XIRP2: variants seen among roughly 807,000 people sequenced by gnomAD.
XIRP2 encodes the protein xin actin-binding repeat-containing protein 2.
In XIRP2, 236 loss-of-function variants were observed where a neutral mutation model predicts 277.0. The observed-to-expected ratio is 0.85, with a 90% CI of 0.77 to 0.95. The LOEUF (loss-of-function observed/expected upper bound fraction) is 0.95. Among genes scored for constraint, XIRP2 ranks in the 40% least tolerant of loss-of-function variants. The probability of loss-of-function intolerance (pLI) is 0.00; values close to 1 mark genes in which losing one functional copy is unlikely to be tolerated. For synonymous variants in XIRP2, 1,490 were observed against 1,416.5 expected (o/e 1.05, Z -1.17); for missense variants, 4,640 against 4,157.5 (o/e 1.12, Z -3.19).
intron 2 of XIRP2, among the ~76,000 whole-genome samples, chr2:167,108,078 A>G (rs559950722): frequency 2.6e-5 from 4 of 151,830 alleles, no homozygotes; most frequent in Non-Finnish European, 5.9e-5. Flanking sequence ...ACATTTTGAC[A>G]TTTAGTGCAT....
intron 5 of XIRP2, among the ~76,000 whole-genome samples, chr2:167,234,507 C>T (rs934096562): frequency 6.6e-6 from 1 of 151,370 alleles, no homozygotes; most frequent in Admixed American, 6.6e-5. Context: ...TGTTCAATAA[C>T]TATTGTTTGA....
At chr2:167,255,372 T>C (rs765217875) in intron 10 of XIRP2, among the ~76,000 whole-genome samples, 9 of 151,830 alleles carry the variant, frequency 5.9e-5, no homozygotes, top group Non-Finnish European at 1.0e-4. Context: ...ACTTACAGTC[T>C]TTATGCTACT....
intron 3 of XIRP2, among the ~76,000 whole-genome samples, chr2:167,181,087 CT>C (rs2105357115): frequency 6.6e-6 from 1 of 152,232 alleles, no homozygotes; most frequent in East Asian, 1.9e-4. Flanking sequence ...GCATTGTTCC[CT>C]TAAAAACCTA....
At chr2:166,985,260 G>A (rs1686971834) in intron 2 of XIRP2, among the ~76,000 whole-genome samples, 1 of 152,150 alleles carries the variant, frequency 6.6e-6, no homozygotes. Flanking sequence ...AGACAGGTTG[G>A]AGAGAGAGAT....
chr2:167,118,482 G>GATAAAATAAAATAAA (rs11270871), intron 2 of XIRP2, among the ~76,000 whole-genome samples: 9,193 of 121,960 alleles, frequency 0.075, 648 homozygotes, highest in African/African-American at 0.16. Context: ...ACTCTGTCTC[G>GATAAAATAAAATAAA]ATAAAATAAA....
At chr2:166,980,389 A>G (rs1285836788) in intron 2 of XIRP2, among the ~76,000 whole-genome samples, 1 of 152,136 alleles carries the variant, frequency 6.6e-6, no homozygotes, top group Non-Finnish European at 1.5e-5. Context: ...TATTGTAGTT[A>G]TAAATTTTAA....
intron 3 of XIRP2, among the ~76,000 whole-genome samples, chr2:167,195,069 A>G (rs1411585379): frequency 6.6e-6 from 1 of 152,172 alleles, no homozygotes; most frequent in African/African-American, 2.4e-5. Context: ...AAACTGGTCT[A>G]TGTGATTTAA....
At chr2:167,028,036 G>A (rs1000790595) in intron 2 of XIRP2, among the ~76,000 whole-genome samples, 2 of 152,020 alleles carry the variant, frequency 1.3e-5, no homozygotes, top group African/African-American at 4.8e-5. Context: ...TTTGAAAAAT[G>A]TTTTATTCTT....
At chr2:166,919,426 A>G (rs558150718) in intron 2 of XIRP2, among the ~76,000 whole-genome samples, 1 of 152,328 alleles carries the variant, frequency 6.6e-6, no homozygotes, top group East Asian at 1.9e-4. Flanking sequence ...AAATTACTCT[A>G]AGGCATGGTA....
intron 2 of XIRP2, among the ~76,000 whole-genome samples, chr2:167,012,445 T>G (rs371869486): frequency 2.0e-5 from 3 of 151,734 alleles, no homozygotes; most frequent in East Asian, 3.9e-4. Context: ...AAGCAAATGA[T>G]TATAATACAC....
At chr2:167,127,115 T>C (rs1270656156) in intron 2 of XIRP2, among the ~76,000 whole-genome samples, 1 of 152,230 alleles carries the variant, frequency 6.6e-6, no homozygotes, top group Non-Finnish European at 1.5e-5. Context: ...ATATTGGAGA[T>C]ATTTTTATTG....
rs1337129463 is a variant in XIRP2 at position 167,240,669 on chromosome 2, T to C, written c.975T>C (p.Ser325=). ...KIDVHGTEMV[S]HLEKHTEEVN... ...CAAATTCTCTTTAAATACAGGTCTC[T>C]CATCTTGAAAAGCACACCGAGGAAG... The change falls in exon 7 of 11, where the codon TCT becomes TCC. Residue 325 remains serine (S), a synonymous_variant. Coordinates refer to ENST00000409195, the MANE Select transcript of XIRP2 (RefSeq NM_152381.6). 1.2e-6 allele frequency: 2 copies of C among 1,613,684 alleles called. No homozygotes were observed. The highest frequency in any genetic ancestry group is 1.7e-6 in the Non-Finnish European group (2 of 1,179,696).
At chr2:166,918,641 C>T (rs188661068) in intron 2 of XIRP2, among the ~76,000 whole-genome samples, 1 of 152,102 alleles carries the variant, frequency 6.6e-6, no homozygotes, top group East Asian at 1.9e-4. Flanking sequence ...GGCATGAAAA[C>T]TAAATGGAAT....
chr2:167,068,442 C>A (rs988890235), intron 2 of XIRP2, among the ~76,000 whole-genome samples: 4 of 152,064 alleles, frequency 2.6e-5, no homozygotes, highest in African/African-American at 7.2e-5. Context: ...CTTTCTTTTA[C>A]AAGAATAAGT....
At chr2:166,923,782 G>C (rs764102161) in intron 2 of XIRP2, among the ~76,000 whole-genome samples, 2 of 152,076 alleles carry the variant, frequency 1.3e-5, no homozygotes, top group Non-Finnish European at 2.9e-5. Context: ...TTCATGTTGA[G>C]TAAAGTGTAT....
At chr2:167,153,252 G>A (rs575628869) in intron 3 of XIRP2, among the ~76,000 whole-genome samples, 2 of 152,182 alleles carry the variant, frequency 1.3e-5, no homozygotes, top group South Asian at 4.1e-4. Flanking sequence ...ACAAATTGTG[G>A]TGATAGGCAA....
chr2:167,129,361 A>G (rs542882256), intron 2 of XIRP2, among the ~76,000 whole-genome samples: 2 of 151,762 alleles, frequency 1.3e-5, no homozygotes, highest in East Asian at 3.9e-4. Context: ...CTCTTCACTC[A>G]CGGATCCACA....
rs1695371605 is a variant in XIRP2, at chr2:167,248,805, C to G, written c.7413C>G (p.Ser2471Arg). ...AGAAAAAAGTAATGGTGATGACCAG[C>G]AGTGAACACACGGAGACAAAGCAGA... ...KDQKKVMVMT[S>R]SEHTETKQNV... is the part of the protein sequence containing the mutation. Residue 2471 changes from serine (S) to arginine (R), a missense_variant, in exon 9 of 11, where the codon AGC becomes AGG. Ser to Arg is a moderately radical substitution (Grantham distance 110). Transcript: ENST00000409195. 12 of 1,613,648 alleles carry G rather than the reference C, an allele frequency of 7.4e-6. No homozygotes were observed. The highest frequency in any genetic ancestry group is 1.0e-5 in the Non-Finnish European group (12 of 1,179,764).
At chr2:167,190,023 C>T (rs1693280173) in intron 3 of XIRP2, among the ~76,000 whole-genome samples, 1 of 152,148 alleles carries the variant, frequency 6.6e-6, no homozygotes, top group Non-Finnish European at 1.5e-5. Context: ...TTTGTTATTA[C>T]TCGTATATTA....
Sources: gnomAD v4.1 joint callset for allele counts (sites outside exome capture counted in the v4.1 genomes callset) on GRCh38, gnomAD v4.1.1 for gene constraint, MANE v1.5 for transcripts, NCBI Gene and HGNC (gene_info 2026-07-23, HGNC 2026-07-21) for gene names.